Variants in PARP4 observed in about 807,000 individuals in gnomAD.
PARP4 encodes the protein protein mono-ADP-ribosyltransferase PARP4.
In PARP4, 120 loss-of-function variants were observed where a neutral mutation model predicts 187.7. That is an observed-to-expected ratio of 0.64 (90% CI 0.55 to 0.74). The LOEUF (loss-of-function observed/expected upper bound fraction) is 0.74, where lower values mean the gene tolerates loss of function less well. PARP4 is among the 30% of genes least tolerant of loss of function. The pLI, the probability that PARP4 is intolerant of heterozygous loss-of-function variation, is 0.00. For missense variants in PARP4, 1,836 were observed against 2,070.5 expected (o/e 0.89, Z 2.20); for synonymous variants, 654 against 740.9 (o/e 0.88, Z 1.90).
chr13:24,463,266 C>T (rs569212947), intron 17 of PARP4, among the ~76,000 whole-genome samples: 8 of 152,192 alleles, frequency 5.3e-5, no homozygotes, highest in South Asian at 4.2e-4. Context: ...AATAAACTGT[C>T]ACCTAGAATC....
chr13:24,469,489 T>C (rs1872639920), intron 16 of PARP4, among the ~76,000 whole-genome samples: 1 of 152,210 alleles, frequency 6.6e-6, no homozygotes, highest in Admixed American at 6.5e-5. Flanking sequence ...TTGTTTCTTT[T>C]CTTTTTTTTT....
At chr13:24,488,498 C>A (rs545866907) in intron 10 of PARP4, among the ~76,000 whole-genome samples, 1 of 152,072 alleles carries the variant, frequency 6.6e-6, no homozygotes, top group African/African-American at 2.4e-5. Flanking sequence ...GAACCACAAA[C>A]GTGTGCCACC....
chr13:24,453,779 C>A (rs1458050051), intron 22 of PARP4, 125 bp from the exon 23 acceptor site: 18 of 622,036 alleles, frequency 2.9e-5, no homozygotes, highest in Non-Finnish European at 4.3e-5. Flanking sequence ...TATGTGTGTA[C>A]CTTTCTTTTT....
intron 1 of PARP4, among the ~76,000 whole-genome samples, chr13:24,508,244 T>G (rs1229180465): frequency 1.3e-5 from 2 of 152,312 alleles, no homozygotes; most frequent in Non-Finnish European, 2.9e-5. Context: ...AGCCTCTATG[T>G]GATAATTGCA....
intron 12 of PARP4, among the ~76,000 whole-genome samples, chr13:24,479,591 T>C (rs1873159554): frequency 6.6e-6 from 1 of 152,056 alleles, no homozygotes; most frequent in African/African-American, 2.4e-5. Context: ...AGAACCTTTG[T>C]GTGGACACTC....
At chr13:24,509,377 C>T (rs192292662) in intron 1 of PARP4, among the ~76,000 whole-genome samples, 3 of 151,960 alleles carry the variant, frequency 2.0e-5, no homozygotes, top group South Asian at 2.1e-4. Flanking sequence ...CAAGGTGGTA[C>T]ATGCCTATGG....
chr13:24,477,981 T>C, intron 13 of PARP4, 112 bp downstream of exon 13: 2 of 1,060,100 alleles, frequency 1.9e-6, no homozygotes, highest in Non-Finnish European at 2.7e-6. Context: ...ATGCAGTAAA[T>C]ATATAACAAT....
At chr13:24,510,502 G>A (rs377730341) in intron 1 of PARP4, among the ~76,000 whole-genome samples, 4 of 138,058 alleles carry the variant, frequency 2.9e-5, no homozygotes, top group South Asian at 4.8e-4. Flanking sequence ...TGCAGTGAGC[G>A]GAGATCCCGC....
intron 15 of PARP4, among the ~76,000 whole-genome samples, chr13:24,473,396 A>G (rs1200538219): frequency 6.6e-6 from 1 of 152,244 alleles, no homozygotes; most frequent in African/African-American, 2.4e-5. Flanking sequence ...AAATAAGGGC[A>G]TAATAAAGTT....
Position 24,484,653 on chromosome 13 carries a change from C to G in PARP4, c.1448G>C (p.Ser483Thr). 6.2e-7 allele frequency: 1 copy of G among 1,601,332 alleles called. No individual in the cohort carries two copies. The highest frequency in any genetic ancestry group is 8.6e-7 in the Non-Finnish European group (1 of 1,168,330). Reference protein sequence around the residue: ...GSGIYFSDSLSTSIKYSHPGE... With the variant: ...GSGIYFSDSLTTSIKYSHPGE... ...TTCTGTGATTAAGGATCGAACATACCTGAGCGAATCACTGAAATAAATCCC... is the reference window on the plus strand; with the variant it reads ...TTCTGTGATTAAGGATCGAACATACGTGAGCGAATCACTGAAATAAATCCC... The change falls in exon 12 of 34, where the codon AGT (serine) becomes ACT (threonine). Residue 483 changes from serine (S) to threonine (T), a missense_variant and splice_region_variant. Ser to Thr is a moderately conservative substitution (Grantham distance 58). Transcript: ENST00000381989.
intron 12 of PARP4, among the ~76,000 whole-genome samples, chr13:24,481,096 GGCCCTTAAGAATT>G (rs1326459064): frequency 6.6e-6 from 1 of 152,150 alleles, no homozygotes; most frequent in African/African-American, 2.4e-5. Context: ...AAAATCCTAG[GGCCCTTAAGAATT>G]GCGCTAAATC....
intron 33 of PARP4, among the ~76,000 whole-genome samples, chr13:24,424,150 T>C (rs1869899543): frequency 1.3e-5 from 2 of 152,180 alleles, no homozygotes; most frequent in South Asian, 4.1e-4. Context: ...ACCTGTTTTG[T>C]GTTTGAGAAC....
chr13:24,501,987 C>G (rs1869322106), intron 2 of PARP4, among the ~76,000 whole-genome samples, 153 bp from the exon 3 acceptor site: 1 of 152,196 alleles, frequency 6.6e-6, no homozygotes, highest in South Asian at 2.1e-4. Flanking sequence ...ATCACAGTTT[C>G]TAGTTACATA....
chr13:24,487,510 A>C (rs1566014969), intron 10 of PARP4, among the ~76,000 whole-genome samples: 2 of 152,170 alleles, frequency 1.3e-5, no homozygotes, highest in African/African-American at 4.8e-5. Context: ...GAGTGAATGG[A>C]AGTAGCCAAC....
chr13:24,471,383 A>G (rs1003364886), intron 15 of PARP4, among the ~76,000 whole-genome samples: 2 of 152,194 alleles, frequency 1.3e-5, no homozygotes, highest in Non-Finnish European at 2.9e-5. Context: ...CTCTTTGCAT[A>G]TCACACTGTG....
rs1870537687 is a variant in PARP4, at chr13:24,434,911, C to T, written c.4230G>A (p.Gln1410=). The change falls in exon 31 of 34, where the codon CAG becomes CAA. Residue 1410 remains glutamine (Q), a synonymous_variant. Transcript: ENST00000381989. ...CTCCAGGATGTTGCAGTGGAGCAGA[C>T]TGTGCAGAGCTTAATGAGCTCCCTG... ...VFSGSSLSSA[Q]SAPLQHPGGF... is the part of the protein sequence containing the mutation. 1 of 1,613,982 alleles carries T rather than the reference C, an allele frequency of 6.2e-7. No homozygotes were observed. The highest frequency in any genetic ancestry group is 1.7e-5 in the Admixed American group (1 of 59,996).
chr13:24,430,577 C>T (rs575450066), intron 32 of PARP4, among the ~76,000 whole-genome samples: 182 of 151,596 alleles, frequency 1.2e-3, no homozygotes, highest in Middle Eastern at 0.01. Context: ...TCCCTTGAGC[C>T]TGGGAGGTAG....
intron 17 of PARP4, among the ~76,000 whole-genome samples, chr13:24,462,152 A>G (rs1395744584): frequency 6.6e-6 from 1 of 152,174 alleles, no homozygotes; most frequent in Non-Finnish European, 1.5e-5. Flanking sequence ...CCCCACCAGG[A>G]GCCTAGTACA....
At chr13:24,498,020 G>C (rs866678598) in intron 6 of PARP4, 96 bp downstream of exon 6, 1 of 772,252 alleles carries the variant, frequency 1.3e-6, no homozygotes, top group Non-Finnish European at 2.2e-6. Flanking sequence ...TAAGACAACA[G>C]GTAAGAAGAA....
Sources: gnomAD v4.1 joint callset for allele counts (sites outside exome capture counted in the v4.1 genomes callset) on GRCh38, gnomAD v4.1.1 for gene constraint, MANE v1.5 for transcripts, NCBI Gene and HGNC (gene_info 2026-07-23, HGNC 2026-07-21) for gene names.